Variants in PSMA5 observed in about 807,000 individuals in gnomAD.
The protein encoded by PSMA5 is proteasome 20S subunit alpha 5.
PSMA5 carries 3 observed loss-of-function variants against 34.5 expected under a neutral mutation model. The ratio of observed to expected loss-of-function variants is 0.09; its 90% CI spans 0.04 to 0.22. The LOEUF (loss-of-function observed/expected upper bound fraction) is 0.22. PSMA5 is among the 10% of genes least tolerant of loss of function. PSMA5 has a pLI of 1.00. For missense variants in PSMA5, 120 were observed against 286.1 expected (o/e 0.42, Z 4.19); for synonymous variants, 88 against 95.8 (o/e 0.92, Z 0.47).
chr1:109,422,585 G>A (rs1359681072), intron 1 of PSMA5, among the ~76,000 whole-genome samples: 1 of 149,886 alleles, frequency 6.7e-6, no homozygotes, highest in African/African-American at 2.5e-5. Flanking sequence ...CAGTTATCCT[G>A]CCTCAGCCTC....
chr1:109,423,330 T>G (rs1654523240), intron 1 of PSMA5, among the ~76,000 whole-genome samples: 1 of 152,154 alleles, frequency 6.6e-6, no homozygotes, highest in Non-Finnish European at 1.5e-5. Flanking sequence ...TCCCAGCTAC[T>G]TGAGAGGCTA....
chr1:109,417,505 C>T (rs1345199064), intron 2 of PSMA5, among the ~76,000 whole-genome samples: 12 of 152,304 alleles, frequency 7.9e-5, no homozygotes, highest in African/African-American at 2.9e-4. Context: ...TAAAGCTAGA[C>T]GACTGCACCT....
intron 2 of PSMA5, among the ~76,000 whole-genome samples, chr1:109,416,720 A>C (rs1654216436): frequency 6.6e-6 from 1 of 152,234 alleles, no homozygotes; most frequent in Non-Finnish European, 1.5e-5. Context: ...GTGTTATTAA[A>C]TGTACACCAG....
intron 7 of PSMA5, 73 bp from the exon 8 acceptor site, chr1:109,410,087 T>C: frequency 1.0e-6 from 1 of 986,716 alleles, no homozygotes; most frequent in Non-Finnish European, 1.6e-6. Flanking sequence ...ATTTTCCCTT[T>C]ATCTCACTGA....
At chr1:109,417,302 T>A (rs1654247572) in intron 2 of PSMA5, among the ~76,000 whole-genome samples, 1 of 152,148 alleles carries the variant, frequency 6.6e-6, no homozygotes, top group Non-Finnish European at 1.5e-5. Flanking sequence ...GATAGGTTAG[T>A]GATACCTGGG....
intron 3 of PSMA5, 197 bp downstream of exon 3, chr1:109,415,040 C>T (rs1654136061): frequency 7.8e-6 from 4 of 514,618 alleles, no homozygotes; most frequent in Middle Eastern, 5.2e-4. Flanking sequence ...GGGAAAGGAA[C>T]TTATGGGAGT....
At chr1:109,405,813 G>GA (rs1653733942) in intron 8 of PSMA5, among the ~76,000 whole-genome samples, 1 of 152,080 alleles carries the variant, frequency 6.6e-6, no homozygotes, top group African/African-American at 2.4e-5. Flanking sequence ...GCACAATGAG[G>GA]AAAAAATGGA....
In PSMA5 at chr1:109,413,175, T is replaced by C. The variant is rs372122930; in HGVS notation, c.224-40A>G. On this transcript the variant is annotated intron_variant, in intron 3 of 8. Coordinates refer to ENST00000271308, the MANE Select transcript of PSMA5 (RefSeq NM_002790.4). ...CGACAGTGACCCAGTGGCCAAATCC[T>C]TGTAAAACTCTTTCATCCACTCAGG... The C allele has an allele frequency of 1.9e-4, 295 of 1,579,696 alleles. 1 individual carries two copies. Among genetic ancestry groups the C allele is most frequent in the Non-Finnish European group, 2.5e-4 (284 of 1,149,168 alleles).
chr1:109,414,323 C>T (rs912860488), intron 3 of PSMA5, among the ~76,000 whole-genome samples: 7 of 152,334 alleles, frequency 4.6e-5, no homozygotes, highest in Middle Eastern at 3.4e-3. Context: ...GCCCCACTAC[C>T]GCTGACTCCA....
chr1:109,411,152 G>A (rs758874359), intron 6 of PSMA5, 39 bp from the exon 7 acceptor site: 38 of 1,453,402 alleles, frequency 2.6e-5, no homozygotes, highest in Non-Finnish European at 2.3e-5. Flanking sequence ...ATGCTCAGGA[G>A]TGGTGGCACT....
intron 7 of PSMA5, 82 bp from the exon 8 acceptor site, chr1:109,410,096 G>GA: frequency 2.2e-6 from 2 of 901,650 alleles, no homozygotes; most frequent in Non-Finnish European, 3.5e-6. Flanking sequence ...TTATCTCACT[G>GA]AAAAAAGTAT....
chr1:109,411,996 G>C, intron 5 of PSMA5, 61 bp from the exon 6 acceptor site: 25 of 1,585,396 alleles, frequency 1.6e-5, no homozygotes, highest in East Asian at 2.2e-5. Flanking sequence ...GGTGAGAGGG[G>C]CTGGGAATGT....
rs1041354260 is a variant in PSMA5 at position 109,415,183 on chromosome 1, A to C, written c.223+54T>G. 4.5e-6 allele frequency: 7 copies of C among 1,561,070 alleles called. No homozygotes were observed. The African/African-American group carries it at 9.5e-5, about 21-fold the overall frequency. On this transcript the variant is annotated intron_variant, in intron 3 of 8. Transcript: ENST00000271308. Reference sequence around the variant, plus strand: ...ATAAACCTTCCTTGGAACATCATAGAGGACTAATTAACCCAGACCAGATCC... The same window carrying C: ...ATAAACCTTCCTTGGAACATCATAGCGGACTAATTAACCCAGACCAGATCC...
chr1:109,421,812 T>C, intron 2 of PSMA5, 48 bp downstream of exon 2: 1 of 1,438,050 alleles, frequency 7.0e-7, no homozygotes, highest in Non-Finnish European at 9.5e-7. Flanking sequence ...GCCAGCAAAA[T>C]GTTAGGTAGC....
intron 1 of PSMA5, among the ~76,000 whole-genome samples, chr1:109,424,932 A>G (rs1654593566): frequency 6.6e-6 from 1 of 152,142 alleles, no homozygotes; most frequent in South Asian, 2.1e-4. Flanking sequence ...GGTTGCAGTG[A>G]GCCGAGATCA....
intron 8 of PSMA5, among the ~76,000 whole-genome samples, chr1:109,402,422 A>T (rs1653569058): frequency 6.6e-6 from 1 of 152,204 alleles, no homozygotes; most frequent in Non-Finnish European, 1.5e-5. Flanking sequence ...TTTTTCTGTT[A>T]AAGACTCCTT....
chr1:109,402,741 T>C (rs1653585557), intron 8 of PSMA5, among the ~76,000 whole-genome samples: 1 of 152,242 alleles, frequency 6.6e-6, no homozygotes, highest in African/African-American at 2.4e-5. Flanking sequence ...GTTTCGCTCT[T>C]GTTGTTCAGG....
chr1:109,404,883 T>C (rs1415298190), intron 8 of PSMA5, among the ~76,000 whole-genome samples: 5 of 152,182 alleles, frequency 3.3e-5, no homozygotes, highest in Non-Finnish European at 5.9e-5. Flanking sequence ...AGTGTTGTAA[T>C]AGAACTAAGA....
chr1:109,404,917 G>A (rs1653682939), intron 8 of PSMA5, among the ~76,000 whole-genome samples: 1 of 152,188 alleles, frequency 6.6e-6, no homozygotes, highest in Non-Finnish European at 1.5e-5. Context: ...TGATCTGGAG[G>A]AGCCCAGGAA....
Sources: allele counts gnomAD v4.1 joint callset (sites outside exome capture counted in the v4.1 genomes callset), GRCh38; gene constraint gnomAD v4.1.1; transcripts MANE v1.5; gene names NCBI Gene and HGNC (gene_info 2026-07-23, HGNC 2026-07-21).